Variants in ELF2 observed in about 807,000 individuals in gnomAD.
The protein encoded by ELF2 is E74 like ETS transcription factor 2.
ELF2 carries 11 observed loss-of-function variants against 54.8 expected under a neutral mutation model. The observed-to-expected ratio is 0.20, with a 90% CI of 0.13 to 0.33. The LOEUF is 0.33. ELF2 is among the 10% of genes least tolerant of loss of function. The pLI is 1.00. For synonymous variants in ELF2, 203 were observed against 245.1 expected, an observed-to-expected ratio of 0.83 and a Z score of 1.61; for missense variants, 513 against 703.0, an observed-to-expected ratio of 0.73 and a Z score of 3.06.
chr4:139,123,610 C>G (rs1291827378), intron 4 of ELF2, among the ~76,000 whole-genome samples: 1 of 152,172 alleles, frequency 6.6e-6, no homozygotes, highest in African/African-American at 2.4e-5. Context: ...TGATAAACAT[C>G]CTAATTTACT....
intron 4 of ELF2, chr4:139,102,022 A>C (rs1733923315): frequency 6.6e-6 from 1 of 152,066 alleles, no homozygotes; most frequent in Non-Finnish European, 1.5e-5. Flanking sequence ...TTATTCAAGA[A>C]AGTAAATGTC....
rs186158353 is a variant in ELF2 at position 139,059,003 on chromosome 4, G to T, written c.1762C>A (p.Leu588Ile). 2.1e-5 allele frequency: 34 copies of T among 1,612,512 alleles called. No homozygotes were observed. In the African/African-American group the frequency reaches 4.1e-4, roughly 20 times the overall value. The change falls in exon 10 of 10, where the codon CTA (leucine) becomes ATA (isoleucine). Residue 588 changes from leucine (L) to isoleucine (I), a missense_variant. Transcript: ENST00000686138. ...CTATTTTATTTCTCACATGTCACTA[G>T]TCCTTCTGTTTTCATAGTTACAGGA... is the stretch of plus-strand genomic sequence containing the variant. ...ALPVTMKTEG[L>I]VTCEK
At chr4:139,110,060 C>T (rs562760721) in intron 4 of ELF2, among the ~76,000 whole-genome samples, 2 of 152,252 alleles carry the variant, frequency 1.3e-5, no homozygotes, top group South Asian at 4.1e-4. Context: ...AAAAAGAACG[C>T]TATTTTTTGA....
At chr4:139,076,379 C>T (rs1730318297) in intron 4 of ELF2, among the ~76,000 whole-genome samples, 1 of 151,862 alleles carries the variant, frequency 6.6e-6, no homozygotes, top group Non-Finnish European at 1.5e-5. Flanking sequence ...AAGTATAAGA[C>T]ATATTATCAT....
At chr4:139,131,036 A>G (rs1737438623) in intron 3 of ELF2, among the ~76,000 whole-genome samples, 1 of 152,156 alleles carries the variant, frequency 6.6e-6, no homozygotes, top group African/African-American at 2.4e-5. Flanking sequence ...AATAGCAAAA[A>G]ATAACACATG....
At chr4:139,145,312 T>G (rs1281877599) in intron 1 of ELF2, among the ~76,000 whole-genome samples, 1 of 152,212 alleles carries the variant, frequency 6.6e-6, no homozygotes, top group Non-Finnish European at 1.5e-5. Context: ...GTTACCCCTA[T>G]GAGAGCTGGT....
chr4:139,171,933 T>C (rs958895933), intron 1 of ELF2, among the ~76,000 whole-genome samples: 5 of 152,122 alleles, frequency 3.3e-5, no homozygotes, highest in African/African-American at 9.7e-5. Flanking sequence ...AACAAATTCA[T>C]ATCCATTAGA....
chr4:139,158,274 C>T (rs1002884915), intron 1 of ELF2, among the ~76,000 whole-genome samples: 2 of 152,168 alleles, frequency 1.3e-5, no homozygotes, highest in Non-Finnish European at 2.9e-5. Context: ...AGGCCATTTT[C>T]ACTTCTTTTG....
rs115910933 is a variant in ELF2, at chr4:139,108,237, A to G, written c.238+16927T>C. On this transcript the variant is annotated intron_variant, in intron 4 of 9. Transcript: ENST00000686138. Reference sequence around the variant, plus strand: ...TGCTTAACACTGGGAATACCTTATTATTAGTTTTCAGAACAGTGAGAGATA... The same window carrying G: ...TGCTTAACACTGGGAATACCTTATTGTTAGTTTTCAGAACAGTGAGAGATA... 4.4e-3 allele frequency among the ~76,000 whole-genome samples: 670 copies of G among 152,332 alleles called. 9 individuals carry two copies. The highest frequency in any genetic ancestry group is 0.015 in the African/African-American group (636 of 41,576).
At chr4:139,122,611 C>T (rs1197607479) in intron 4 of ELF2, among the ~76,000 whole-genome samples, 3 of 152,056 alleles carry the variant, frequency 2.0e-5, no homozygotes, top group Admixed American at 6.5e-5. Flanking sequence ...AAGCGAGTCT[C>T]CTGCCTCAGC....
At chr4:139,098,146 A>G (rs772855066) in intron 4 of ELF2, among the ~76,000 whole-genome samples, 2 of 152,224 alleles carry the variant, frequency 1.3e-5, no homozygotes, top group Non-Finnish European at 2.9e-5. Context: ...CCAATTTACG[A>G]AGTTTGTTAA....
intron 1 of ELF2, among the ~76,000 whole-genome samples, chr4:139,146,430 C>G (rs769211104): frequency 1.3e-5 from 2 of 152,106 alleles, no homozygotes; most frequent in East Asian, 1.9e-4. Flanking sequence ...GAATCAATAT[C>G]ATGAAAATGA....
At chr4:139,115,993 C>T (rs1275009138) in intron 4 of ELF2, among the ~76,000 whole-genome samples, 1 of 152,168 alleles carries the variant, frequency 6.6e-6, no homozygotes, top group Non-Finnish European at 1.5e-5. Context: ...AGGCGTCCAC[C>T]ACCACGCCTG....
chr4:139,165,086 GAAAC>G (rs1306225035), intron 1 of ELF2, among the ~76,000 whole-genome samples: 2 of 151,996 alleles, frequency 1.3e-5, no homozygotes, highest in African/African-American at 4.8e-5. Context: ...ACTGGCCCAA[GAAAC>G]AAAGACTGCA....
intron 3 of ELF2, among the ~76,000 whole-genome samples, chr4:139,136,311 T>G (rs1738146637): frequency 6.6e-6 from 1 of 152,086 alleles, no homozygotes; most frequent in Non-Finnish European, 1.5e-5. Context: ...ACTTAAGAGT[T>G]TTTGAGTCCA....
At chr4:139,121,263 C>T (rs867564213) in intron 4 of ELF2, among the ~76,000 whole-genome samples, 11 of 150,836 alleles carry the variant, frequency 7.3e-5, no homozygotes, top group Non-Finnish European at 7.4e-5. Context: ...CGCCCGCTAC[C>T]ACGCCCGGCT....
chr4:139,169,381 C>A (rs1008644791), intron 1 of ELF2, among the ~76,000 whole-genome samples: 1 of 148,884 alleles, frequency 6.7e-6, no homozygotes, highest in East Asian at 2.0e-4. Context: ...CACAAAAAAA[C>A]TCATAAAGGC....
intron 1 of ELF2, among the ~76,000 whole-genome samples, chr4:139,146,219 C>A (rs1029173986): frequency 6.6e-6 from 1 of 152,168 alleles, no homozygotes; most frequent in African/African-American, 2.4e-5. Context: ...AGTAGCACTG[C>A]TATACAACAA....
At chr4:139,125,052 TA>T in intron 4 of ELF2, 111 bp downstream of exon 4, 11 of 1,322,440 alleles carry the variant, frequency 8.3e-6, no homozygotes, top group Non-Finnish European at 1.1e-5. Context: ...TTCCAAGCTA[TA>T]CTAAATAGCA....
Sources: allele counts gnomAD v4.1 joint callset (sites outside exome capture counted in the v4.1 genomes callset), GRCh38; gene constraint gnomAD v4.1.1; transcripts MANE v1.5; gene names NCBI Gene and HGNC (gene_info 2026-07-23, HGNC 2026-07-21).